GRK7: variants seen among roughly 807,000 people sequenced by gnomAD.
GRK7 encodes rhodopsin kinase GRK7.
A neutral mutation model predicts 34.1 loss-of-function variants in GRK7; 24 were observed. That is an observed-to-expected ratio of 0.70 (90% CI 0.51 to 0.99). The LOEUF is 0.99. Ranked by LOEUF, GRK7 falls within the 50% of genes least tolerant of loss-of-function variation. GRK7 has a pLI of 0.00. For synonymous variants in GRK7, 256 were observed against 279.4 expected (o/e 0.92, Z 0.84); for missense variants, 644 against 707.3 (o/e 0.91, Z 1.02).
chr3:141,765,855 A>G (rs1459940816), intron 1 of GRK7, among the ~76,000 whole-genome samples, 117 bp downstream of exon 1: 1 of 152,226 alleles, frequency 6.6e-6, no homozygotes, highest in Non-Finnish European at 1.5e-5. Flanking sequence ...TTTAGTTAAT[A>G]TGACTTAGTA....
Position 141,818,559 on chromosome 3 carries a change from T to C in GRK7, c.*1509T>C, listed in dbSNP as rs1265934165. On this transcript the variant is annotated 3_prime_UTR_variant, in exon 6 of 6. Coordinates refer to ENST00000682958, the MANE Select transcript of GRK7 (RefSeq NM_139209.3). ...AAAAAATACTAACCATCATTTCAAG[T>C]GGCTGCCCAGCCAACACTGTATGGT... The C allele has an allele frequency of 6.6e-6, 1 of 152,118 alleles. No homozygotes were observed. The highest frequency in any genetic ancestry group is 2.4e-5 in the African/African-American group (1 of 41,416). The allele number at this position is 152,118 out of a possible 1,614,324, so 9.4% of individuals were successfully genotyped here.
upstream of GRK7, among the ~76,000 whole-genome samples, chr3:141,760,207 A>T (rs2084549134): frequency 6.9e-6 from 1 of 144,746 alleles, no homozygotes; most frequent in Non-Finnish European, 1.5e-5. Flanking sequence ...TTGTGATGTT[A>T]GGGTGTCAAT....
intron 4 of GRK7, among the ~76,000 whole-genome samples, chr3:141,793,737 T>A (rs954990293): frequency 1.3e-5 from 2 of 152,208 alleles, no homozygotes; most frequent in African/African-American, 4.8e-5. Flanking sequence ...GGGGTGCAGC[T>A]GTGAGCCATC....
At chr3:141,785,463 A>T (rs193209648) in intron 4 of GRK7, among the ~76,000 whole-genome samples, 1,863 of 152,202 alleles carry the variant, frequency 0.012, 21 homozygotes, top group Non-Finnish European at 0.019. Flanking sequence ...TCTTAAAAAA[A>T]ATTTTTTTGT....
rs760050500 is a variant in GRK7 at position 141,778,858 on chromosome 3, A to G, written c.574A>G (p.Thr192Ala). The part of the protein sequence containing the change: ...EMQPVSDKYF[T>A]EFRVLGKGGF... ...GCAACCAGTGTCAGACAAGTACTTC[A>G]CTGAGTTCAGAGTGCTGGGGAAAGG... Residue 192 changes from threonine (T) to alanine (A), a missense_variant, in exon 3 of 6, where the codon ACT becomes GCT. Coordinates refer to ENST00000682958, the MANE Select transcript of GRK7 (RefSeq NM_139209.3). The surrounding 1 kb of genome is among the most constrained non-coding windows in gnomAD (Gnocchi z 4.1). 9.1e-5 allele frequency: 146 copies of G among 1,612,392 alleles called. No homozygotes were observed. Among genetic ancestry groups the G allele is most frequent in the Admixed American group, 3.3e-4 (20 of 59,778 alleles).
intron 5 of GRK7, among the ~76,000 whole-genome samples, chr3:141,816,357 T>A (rs193227998): frequency 1.2e-3 from 179 of 152,284 alleles, no homozygotes; most frequent in African/African-American, 3.8e-3. Flanking sequence ...TTGTTCTGTG[T>A]GACCCTGAAG....
At chr3:141,794,997 A>G (rs1183783418) in intron 4 of GRK7, among the ~76,000 whole-genome samples, 1 of 152,190 alleles carries the variant, frequency 6.6e-6, no homozygotes, top group Non-Finnish European at 1.5e-5. Context: ...AGGGATGGAC[A>G]AGGACATGGG....
At chr3:141,774,075 T>G (rs937599339) in intron 1 of GRK7, among the ~76,000 whole-genome samples, 1 of 152,192 alleles carries the variant, frequency 6.6e-6, no homozygotes, top group African/African-American at 2.4e-5. Flanking sequence ...TGTTCTTTAA[T>G]TGAACCTATA....
At chr3:141,800,068 T>C (rs1710935417) in intron 4 of GRK7, among the ~76,000 whole-genome samples, 1 of 152,148 alleles carries the variant, frequency 6.6e-6, no homozygotes, top group South Asian at 2.1e-4. Context: ...TTGGATGTTG[T>C]TTATAGTCTC....
intron 5 of GRK7, among the ~76,000 whole-genome samples, chr3:141,808,845 C>T (rs114965543): frequency 1.1e-3 from 173 of 152,178 alleles, no homozygotes; most frequent in African/African-American, 3.7e-3. Flanking sequence ...TGCATAACAA[C>T]GTAGTGTGAA....
At chr3:141,810,729 A>G (rs1293673142) in intron 5 of GRK7, among the ~76,000 whole-genome samples, 2 of 151,914 alleles carry the variant, frequency 1.3e-5, no homozygotes, top group Non-Finnish European at 1.5e-5. Flanking sequence ...GTTGGCCAGG[A>G]TGGTCTCGAT....
chr3:141,759,801 T>G (rs1214219591), upstream of GRK7, among the ~76,000 whole-genome samples: 2 of 72,092 alleles, frequency 2.8e-5, no homozygotes, highest in Non-Finnish European at 5.6e-5. Flanking sequence ...TCTTTTTGGT[T>G]GGTAAACTAT....
chr3:141,762,091 T>C (rs1399643504), upstream of GRK7, among the ~76,000 whole-genome samples: 23 of 150,742 alleles, frequency 1.5e-4, no homozygotes, highest in African/African-American at 5.6e-4. Flanking sequence ...GTAATTTGAT[T>C]GTCTGAAGCC....
At chr3:141,763,000 G>A (rs1026776608), upstream of GRK7, among the ~76,000 whole-genome samples, 3 of 152,188 alleles carry the variant, frequency 2.0e-5, no homozygotes, top group African/African-American at 4.8e-5. Context: ...CCCGGTGCGC[G>A]CACCCACTGG....
At chr3:141,802,811 T>C (rs1441892018) in intron 4 of GRK7, among the ~76,000 whole-genome samples, 1 of 152,128 alleles carries the variant, frequency 6.6e-6, no homozygotes, top group East Asian at 1.9e-4. Flanking sequence ...TGGGAAGGAC[T>C]GGGCAGCTGC....
chr3:141,804,054 A>T lies in GRK7; in HGVS notation c.1051-3591A>T, dbSNP rs1459528080. The stretch of plus-strand genomic sequence containing the variant: ...GGCCAAATAATACTCCTTGTATATC[A>T]TTAACATTTTACTAGATTTGCTTTA... On this transcript the variant is annotated intron_variant, in intron 4 of 5. Transcript: ENST00000682958. Among the ~76,000 whole-genome samples the T allele has an allele frequency of 2.6e-5, 4 of 152,312 alleles. No homozygotes were observed. In the East Asian group the frequency reaches 7.7e-4, roughly 29 times the overall value.
chr3:141,817,587 T>C lies in GRK7; in HGVS notation c.*537T>C, dbSNP rs1057080290. ...TTTTAAATCACAGAATAATTTTCAA[T>C]TTCAGTGACAGTTTCTTTTGCAATT... On this transcript the variant is annotated 3_prime_UTR_variant, in exon 6 of 6. Transcript: ENST00000682958. The C allele has an allele frequency of 2.6e-5, 4 of 152,304 alleles. No homozygotes were observed. The highest frequency in any genetic ancestry group is 9.6e-5 in the African/African-American group (4 of 41,468). The allele number at this position is 152,304 out of a possible 1,614,324, so 9.4% of individuals were successfully genotyped here.
chr3:141,811,876 TGGGA>T (rs1385680389), intron 5 of GRK7, among the ~76,000 whole-genome samples: 9 of 152,228 alleles, frequency 5.9e-5, no homozygotes, highest in Non-Finnish European at 1.3e-4. Flanking sequence ...TTTATGGGTC[TGGGA>T]GATAATTTTG....
At chr3:141,768,633 C>T (rs61278509) in intron 1 of GRK7, among the ~76,000 whole-genome samples, 10,616 of 152,118 alleles carry the variant, frequency 0.07, 404 homozygotes, top group South Asian at 0.12. Flanking sequence ...TCTCCCATCT[C>T]TCGCAACCCC....
Sources: gnomAD v4.1 joint callset for allele counts (sites outside exome capture counted in the v4.1 genomes callset) on GRCh38, gnomAD v4.1.1 for gene constraint, Gnocchi (gnomAD v3.1) non-coding constraint, MANE v1.5 for transcripts, NCBI Gene and HGNC (gene_info 2026-07-23, HGNC 2026-07-21) for gene names.